GNB4: variants seen among roughly 807,000 people sequenced by gnomAD.
GNB4 encodes guanine nucleotide-binding protein subunit beta-4.
A neutral mutation model predicts 45.2 loss-of-function variants in GNB4; 28 were observed. The observed-to-expected ratio is 0.62, with a 90% confidence interval of 0.46 to 0.85. The LOEUF (loss-of-function observed/expected upper bound fraction) is 0.85, where lower values mean the gene tolerates loss of function less well. Ranked by LOEUF, GNB4 falls within the 40% of genes least tolerant of loss-of-function variation. The pLI is 0.00. For synonymous variants in GNB4, 132 were observed against 143.7 expected (o/e 0.92, Z 0.58); for missense variants, 321 against 425.4 (o/e 0.75, Z 2.16).
chr3:179,518,397 A>G, the GNB4 span, among the ~76,000 whole-genome samples: 1 of 150,380 alleles, frequency 6.6e-6, no homozygotes, highest in Non-Finnish European at 1.5e-5. Context: ...CTCGTCCCAA[A>G]TCTTCCTTCT....
chr3:179,473,359 G>T, the GNB4 span, among the ~76,000 whole-genome samples: 1 of 152,016 alleles, frequency 6.6e-6, no homozygotes, highest in Non-Finnish European at 1.5e-5. Flanking sequence ...ATACAGAGCG[G>T]TCCTTTGTAC....
chr3:179,454,021 A>AAAAG (rs1247238697), upstream of GNB4, among the ~76,000 whole-genome samples: 1 of 152,242 alleles, frequency 6.6e-6, no homozygotes, highest in African/African-American at 2.4e-5. Context: ...CACGAAGAAC[A>AAAAG]AAAGAGAGAG....
At chr3:179,503,387 G>A in the GNB4 span, among the ~76,000 whole-genome samples, 1 of 152,124 alleles carries the variant, frequency 6.6e-6, no homozygotes, top group Non-Finnish European at 1.5e-5. Context: ...TCTAGGTGGC[G>A]AATATATGAA....
chr3:179,471,981 T>C, the GNB4 span, among the ~76,000 whole-genome samples: 27 of 152,298 alleles, frequency 1.8e-4, no homozygotes, highest in African/African-American at 6.3e-4. Flanking sequence ...CAATTATTTA[T>C]ATTAGGGAAA....
intron 1 of GNB4, among the ~76,000 whole-genome samples, chr3:179,430,228 G>A (rs1577035702): frequency 6.6e-6 from 1 of 152,004 alleles, no homozygotes; most frequent in Middle Eastern, 3.2e-3. Flanking sequence ...TGAGCCCACA[G>A]GTGGGCACTA....
chr3:179,410,019 C>G (rs1013515206), intron 8 of GNB4, among the ~76,000 whole-genome samples: 1 of 152,062 alleles, frequency 6.6e-6, no homozygotes, highest in Non-Finnish European at 1.5e-5. Context: ...TGAGTTCTCA[C>G]GAGATCTGAT....
rs1396304605 is a variant in GNB4, at chr3:179,401,122, T to G, written c.*91A>C. ...ATAATCTAATAGAAAAATCTTCACCTGCAAATATAAGGTAGAATTTTTTCA... is the reference window on the plus strand; with the variant it reads ...ATAATCTAATAGAAAAATCTTCACCGGCAAATATAAGGTAGAATTTTTTCA... On this transcript the variant is annotated 3_prime_UTR_variant, in exon 10 of 10. Coordinates refer to ENST00000232564, the MANE Select transcript of GNB4 (RefSeq NM_021629.4). 6.9e-6 allele frequency: 5 copies of G among 728,538 alleles called. No homozygotes were observed. Among genetic ancestry groups the G allele is most frequent in the Non-Finnish European group, 1.0e-5 (5 of 492,476 alleles). The allele number at this position is 728,538 out of a possible 1,614,324, so 45.1% of individuals were successfully genotyped here.
the GNB4 span, among the ~76,000 whole-genome samples, chr3:179,512,132 CAG>C: frequency 6.6e-6 from 1 of 152,140 alleles, no homozygotes; most frequent in African/African-American, 2.4e-5. Context: ...TCTGGAAGCC[CAG>C]AGACTCTCCA....
chr3:179,435,596 C>T (rs1319251072), intron 1 of GNB4, among the ~76,000 whole-genome samples: 3 of 151,978 alleles, frequency 2.0e-5, no homozygotes, highest in African/African-American at 4.8e-5. Flanking sequence ...GCATTAACAT[C>T]GCTAAGGCAA....
At chr3:179,480,221 C>A in the GNB4 span, among the ~76,000 whole-genome samples, 1 of 152,184 alleles carries the variant, frequency 6.6e-6, no homozygotes, top group African/African-American at 2.4e-5. Context: ...AGTGAAGCTT[C>A]TTTTCTTTAT....
chr3:179,401,350 A>G, intron 9 of GNB4, 31 bp from the exon 10 acceptor site: 1 of 1,494,652 alleles, frequency 6.7e-7, no homozygotes, highest in Non-Finnish European at 9.3e-7. Flanking sequence ...AAAATTGGCA[A>G]TTGTAGGGTT....
At chr3:179,403,826 T>C (rs3866322) in intron 9 of GNB4, among the ~76,000 whole-genome samples, 317 of 151,080 alleles carry the variant, frequency 2.1e-3, no homozygotes, top group Non-Finnish European at 3.8e-3. Flanking sequence ...AAAATAAAGT[T>C]AAGTAAAATA....
the GNB4 span, among the ~76,000 whole-genome samples, chr3:179,466,267 T>C: frequency 6.6e-6 from 1 of 152,132 alleles, no homozygotes; most frequent in East Asian, 1.9e-4. Flanking sequence ...TACCTCGGCC[T>C]CCCAAAATGC....
chr3:179,438,719 A>T (rs1041789835), intron 1 of GNB4, among the ~76,000 whole-genome samples: 2 of 152,188 alleles, frequency 1.3e-5, no homozygotes, highest in African/African-American at 4.8e-5. Context: ...TTTCTGGGAG[A>T]GGACTAAAAC....
chr3:179,462,162 G>C, the GNB4 span, among the ~76,000 whole-genome samples: 1 of 143,568 alleles, frequency 7.0e-6, no homozygotes, highest in African/African-American at 2.7e-5. Context: ...GTGTATGTCT[G>C]TGTGTGTGCA....
chr3:179,447,868 G>C (rs1715776940), intron 1 of GNB4, among the ~76,000 whole-genome samples: 2 of 152,228 alleles, frequency 1.3e-5, no homozygotes, highest in African/African-American at 4.8e-5. Flanking sequence ...GTGGATGGTG[G>C]TACCATTGAC....
intron 8 of GNB4, among the ~76,000 whole-genome samples, chr3:179,412,851 GAAAA>G (rs909414337): frequency 1.6e-5 from 2 of 125,370 alleles, no homozygotes; most frequent in East Asian, 4.4e-4. Flanking sequence ...CTCCACTTTG[GAAAA>G]AAAAAAAAAA....
At chr3:179,490,740 T>G in the GNB4 span, among the ~76,000 whole-genome samples, 2 of 152,168 alleles carry the variant, frequency 1.3e-5, no homozygotes, top group Non-Finnish European at 2.9e-5. Flanking sequence ...CCCGGCCAAT[T>G]GCATGGTGCC....
At chr3:179,442,147 T>C (rs147242426) in intron 1 of GNB4, among the ~76,000 whole-genome samples, 2,651 of 152,284 alleles carry the variant, frequency 0.017, 39 homozygotes, top group South Asian at 0.049. Flanking sequence ...ATAATCATAT[T>C]ACAGTGTAAA....
Sources: gnomAD v4.1 joint callset for allele counts (sites outside exome capture counted in the v4.1 genomes callset) on GRCh38, gnomAD v4.1.1 for gene constraint, MANE v1.5 for transcripts, NCBI Gene and HGNC (gene_info 2026-07-23, HGNC 2026-07-21) for gene names.